FRMD4A: variants seen among roughly 807,000 people sequenced by gnomAD.
FRMD4A encodes the protein FERM domain-containing protein 4A.
In FRMD4A, 29 loss-of-function variants were observed where a neutral mutation model predicts 129.1. That is an observed-to-expected ratio of 0.22 (90% CI 0.17 to 0.31). The LOEUF (loss-of-function observed/expected upper bound fraction) is 0.31. Ranked by LOEUF, FRMD4A falls within the 10% of genes least tolerant of loss-of-function variation. The pLI is 1.00. For missense variants in FRMD4A, 1,272 were observed against 1,375.8 expected, an observed-to-expected ratio of 0.92 and a Z score of 1.19; for synonymous variants, 634 against 571.6, an observed-to-expected ratio of 1.11 and a Z score of -1.56.
intron 2 of FRMD4A, among the ~76,000 whole-genome samples, chr10:13,925,590 T>TTC (rs1350891097): frequency 9.5e-6 from 1 of 104,830 alleles, no homozygotes; most frequent in Non-Finnish European, 1.9e-5. Flanking sequence ...TTTTTTTTTT[T>TTC]TTTTTTTTTT....
At position 13,868,018 on chromosome 10, in the gene FRMD4A, C is replaced by T. The variant is rs1018517690; in HGVS notation, c.46-9106G>A. 5.4e-5 allele frequency among the ~76,000 whole-genome samples: 8 copies of T among 149,034 alleles called. 1 individual carries two copies. The highest frequency in any genetic ancestry group is 2.0e-4 in the African/African-American group (8 of 40,686). ...CCTGTAATCCCAGCTACCTAGGAGGCTAAGGCAGAAGGATTGCTTGAGCCC... is the reference window on the plus strand; with the variant it reads ...CCTGTAATCCCAGCTACCTAGGAGGTTAAGGCAGAAGGATTGCTTGAGCCC... On this transcript the variant is annotated intron_variant, in intron 2 of 24. Transcript: ENST00000357447.
intron 3 of FRMD4A, among the ~76,000 whole-genome samples, chr10:13,839,054 T>C (rs2093922746): frequency 7.2e-6 from 1 of 139,700 alleles, no homozygotes; most frequent in South Asian, 2.3e-4. Flanking sequence ...TGGAGTACAG[T>C]GGTGGATCTT....
chr10:13,704,326 C>A (rs1041672626), intron 13 of FRMD4A, among the ~76,000 whole-genome samples: 1 of 152,202 alleles, frequency 6.6e-6, no homozygotes, highest in African/African-American at 2.4e-5. Context: ...GCCTCTCCCC[C>A]ATTCCTGCCT....
At position 14,199,871 on chromosome 10, in the gene FRMD4A, A is replaced by T. The variant is rs1017573615; in HGVS notation, c.45+130187T>A. 2.8e-5 allele frequency among the ~76,000 whole-genome samples: 4 copies of T among 144,664 alleles called. 1 individual carries two copies. Among genetic ancestry groups the T allele is most frequent in the Non-Finnish European group, 6.3e-5 (4 of 63,352 alleles). 94.9% of individuals were successfully genotyped at this position (144,664 alleles called of 152,430 possible). ...AAGAAAGACATGAATAATTTTAAAA[A>T]TTTTACTAAAATTTTAAAAATTATG... is the stretch of plus-strand genomic sequence containing the variant. On this transcript the variant is annotated intron_variant, in intron 2 of 24. Transcript: ENST00000357447.
At chr10:13,693,729 A>G in intron 15 of FRMD4A, 169 bp downstream of exon 15, 1 of 756,560 alleles carries the variant, frequency 1.3e-6, no homozygotes, top group Non-Finnish European at 2.2e-6. Context: ...TCCTGGGAGC[A>G]GTTTTCTCAG....
chr10:14,005,729 G>A (rs542818027), intron 2 of FRMD4A, among the ~76,000 whole-genome samples: 1 of 152,296 alleles, frequency 6.6e-6, no homozygotes, highest in South Asian at 2.1e-4. Context: ...AACATACAAT[G>A]CCAGGTCCCT....
rs75582189 is a variant in FRMD4A at position 13,683,522 on chromosome 10, G to A, written c.1118-8478C>T. Among the ~76,000 whole-genome samples the A allele has an allele frequency of 1.4e-4, 21 of 152,012 alleles. No homozygotes were observed. In the East Asian group the frequency reaches 2.2e-3, roughly 16 times the overall value. ...TGAGGCAGGAAGATCCCTTGAATCC[G>A]GGAGTTTGAGAGTACACTGAGCTAT... On this transcript the variant is annotated intron_variant, in intron 15 of 24. Coordinates refer to ENST00000357447, the MANE Select transcript of FRMD4A (RefSeq NM_018027.5).
Position 14,191,133 on chromosome 10 carries a change from G to T in FRMD4A, c.45+138925C>A, listed in dbSNP as rs559605881. On this transcript the variant is annotated intron_variant, in intron 2 of 24. Coordinates refer to ENST00000357447, the MANE Select transcript of FRMD4A (RefSeq NM_018027.5). ...CACTCAAGAATTTTTGTTAGTTACT[G>T]GTTGTACTCTTGGGGGCATAGTCTC... is the stretch of plus-strand genomic sequence containing the variant. Among the ~76,000 whole-genome samples, 21 of 152,270 alleles carry T rather than the reference G, an allele frequency of 1.4e-4. No individual in the cohort carries two copies. The South Asian group carries it at 4.4e-3, about 32-fold the overall frequency.
At chr10:13,905,571 CATA>C (rs1302454342) in intron 2 of FRMD4A, among the ~76,000 whole-genome samples, 1 of 152,042 alleles carries the variant, frequency 6.6e-6, no homozygotes, top group Non-Finnish European at 1.5e-5. Context: ...ATGATCAGCT[CATA>C]ATAATAGTGA....
intron 2 of FRMD4A, among the ~76,000 whole-genome samples, chr10:14,010,518 C>T (rs12778125): frequency 0.19 from 28,305 of 151,808 alleles, 3,281 homozygotes; most frequent in East Asian, 0.45. Flanking sequence ...ATAATGGAGC[C>T]CTCCCCAGTC....
At chr10:13,707,804 GTC>G (rs1554855408) in intron 12 of FRMD4A, 1 of 985,274 alleles carries the variant, frequency 1.0e-6, no homozygotes, top group Non-Finnish European at 1.2e-6. Flanking sequence ...TGCGGCCAGA[GTC>G]TCTCCCTCAA....
chr10:14,254,119 C>A (rs1189899561), intron 2 of FRMD4A, among the ~76,000 whole-genome samples: 1 of 152,202 alleles, frequency 6.6e-6, no homozygotes, highest in Non-Finnish European at 1.5e-5. Flanking sequence ...CCCTCCCCAC[C>A]TCAGCCCTCC....
chr10:14,034,227 A>G (rs1833393225), intron 2 of FRMD4A, among the ~76,000 whole-genome samples: 1 of 152,118 alleles, frequency 6.6e-6, no homozygotes, highest in South Asian at 2.1e-4. Flanking sequence ...TGCATTGTGC[A>G]TATCCTTGCC....
chr10:13,784,734 A>G (rs1404900709), intron 5 of FRMD4A, among the ~76,000 whole-genome samples: 2 of 152,230 alleles, frequency 1.3e-5, no homozygotes, highest in Non-Finnish European at 2.9e-5. Flanking sequence ...CACACCTGTC[A>G]TCCCAGCACT....
rs73585047 is a variant in FRMD4A, at chr10:14,316,014, A to G, written c.45+14044T>C. On this transcript the variant is annotated intron_variant, in intron 2 of 24. Coordinates refer to ENST00000357447, the MANE Select transcript of FRMD4A (RefSeq NM_018027.5). ...GGGTGCCCTGCTCTGTGCTCTAGTC[A>G]TAGACACTGTTGATTGCCTATGCAG... 6.9e-3 allele frequency among the ~76,000 whole-genome samples: 1,056 copies of G among 152,366 alleles called. 12 individuals carry two copies. Among genetic ancestry groups the G allele is most frequent in the African/African-American group, 0.023 (960 of 41,588 alleles).
intron 2 of FRMD4A, among the ~76,000 whole-genome samples, chr10:14,238,521 T>G (rs7070975): frequency 0.39 from 59,427 of 152,078 alleles, 12,531 homozygotes; most frequent in South Asian, 0.47. Context: ...TATTATTTAT[T>G]TATTTATATT....
intron 2 of FRMD4A, among the ~76,000 whole-genome samples, chr10:14,069,843 T>C (rs989348227): frequency 1.3e-5 from 2 of 152,204 alleles, no homozygotes; most frequent in African/African-American, 4.8e-5. Context: ...ATTTGGGAAT[T>C]ACAGCTTTTA....
chr10:14,102,456 G>A (rs370280362), intron 2 of FRMD4A, among the ~76,000 whole-genome samples: 2 of 152,176 alleles, frequency 1.3e-5, no homozygotes, highest in South Asian at 2.1e-4. Context: ...GAACCCGGGA[G>A]GCGGACACAT....
At chr10:14,173,379 A>G (rs1841573856) in intron 2 of FRMD4A, among the ~76,000 whole-genome samples, 1 of 152,188 alleles carries the variant, frequency 6.6e-6, no homozygotes, top group East Asian at 1.9e-4. Flanking sequence ...TCTTCAGGAG[A>G]CCAAAACCAG....
Sources: gnomAD v4.1 joint callset for allele counts (sites outside exome capture counted in the v4.1 genomes callset) on GRCh38, gnomAD v4.1.1 for gene constraint, MANE v1.5 for transcripts, NCBI Gene and HGNC (gene_info 2026-07-23, HGNC 2026-07-21) for gene names.